Variants in MUSK observed in about 807,000 individuals in gnomAD.
MUSK encodes muscle, skeletal receptor tyrosine-protein kinase.
Under a neutral mutation model 88.7 loss-of-function variants are expected in MUSK, and 55 were observed. The ratio of observed to expected loss-of-function variants is 0.62; its 90% CI spans 0.50 to 0.78. The LOEUF (loss-of-function observed/expected upper bound fraction) is 0.78, where lower values mean the gene tolerates loss of function less well. Among genes scored for constraint, MUSK ranks in the 30% least tolerant of loss-of-function variants. The pLI is 0.00. For missense variants in MUSK, 1,015 were observed against 1,074.3 expected (o/e 0.94, Z 0.77); for synonymous variants, 387 against 391.9 (o/e 0.99, Z 0.15).
intron 1 of MUSK, among the ~76,000 whole-genome samples, chr9:110,675,880 G>A (rs1306708189): frequency 1.3e-5 from 2 of 152,040 alleles, no homozygotes; most frequent in Non-Finnish European, 2.9e-5. Context: ...TTTTTAAACA[G>A]TAAAAGCATT....
intron 7 of MUSK, chr9:110,761,762 G>A (rs916987904): frequency 2.1e-5 from 4 of 194,220 alleles, no homozygotes; most frequent in Non-Finnish European, 3.7e-5. Flanking sequence ...TTTTAGTAGA[G>A]ATGGGGTTTC....
Position 110,687,103 on chromosome 9 carries a change from T to C in MUSK, c.207-14T>C. On this transcript the variant is annotated splice_polypyrimidine_tract_variant and intron_variant, in intron 2 of 14. Transcript: ENST00000374448. ...AGGAAGCACTAATCTGTCATTTTTT[T>C]CTGTGACCTGCAGACTCTTTGACAC... 1.2e-6 allele frequency: 2 copies of C among 1,605,150 alleles called. No homozygotes were observed. The highest frequency in any genetic ancestry group is 1.3e-5 in the African/African-American group (1 of 74,778).
At chr9:110,732,166 G>T (rs577824210) in intron 5 of MUSK, among the ~76,000 whole-genome samples, 8 of 152,062 alleles carry the variant, frequency 5.3e-5, no homozygotes, top group South Asian at 4.1e-4. Flanking sequence ...AAATGTGCTA[G>T]ATTTTCCAAA....
intron 5 of MUSK, among the ~76,000 whole-genome samples, chr9:110,718,198 C>G (rs549274405): frequency 6.6e-6 from 1 of 152,124 alleles, no homozygotes; most frequent in Non-Finnish European, 1.5e-5. Context: ...AGTGTCCCCA[C>G]ACTATGGTGC....
chr9:110,728,914 T>G (rs1405703111), intron 5 of MUSK, among the ~76,000 whole-genome samples: 1 of 152,026 alleles, frequency 6.6e-6, no homozygotes, highest in African/African-American at 2.4e-5. Flanking sequence ...TACTGACCAT[T>G]TGCATTTCTT....
intron 11 of MUSK, among the ~76,000 whole-genome samples, chr9:110,784,225 C>G (rs1450495872): frequency 6.6e-6 from 1 of 152,062 alleles, no homozygotes; most frequent in African/African-American, 2.4e-5. Context: ...ATACAATGGA[C>G]TTTGTACTCT....
chr9:110,747,778 T>C lies in MUSK; in HGVS notation c.891T>C (p.Ala297=). ...GGGAGAAGTTCAGTACTGCCAAGGC[T>C]GCAGCCACCATCAGCATAGCAGGTA... ...KHGEKFSTAK[A]AATISIAEWS... is the part of the protein sequence containing the mutation. The change falls in exon 7 of 15, where the codon GCT becomes GCC. Residue 297 remains alanine (A), a synonymous_variant. Transcript: ENST00000374448. 1 of 1,613,868 alleles carries C rather than the reference T, an allele frequency of 6.2e-7. No homozygotes were observed. The highest frequency in any genetic ancestry group is 1.3e-5 in the African/African-American group (1 of 75,044).
chr9:110,669,990 A>G (rs1415793325), intron 1 of MUSK, among the ~76,000 whole-genome samples: 1 of 152,188 alleles, frequency 6.6e-6, no homozygotes, highest in Non-Finnish European at 1.5e-5. Context: ...CTGTATATAG[A>G]TGCAAAATGT....
At chr9:110,692,947 A>G (rs993900906) in intron 3 of MUSK, among the ~76,000 whole-genome samples, 1 of 152,014 alleles carries the variant, frequency 6.6e-6, no homozygotes, top group Non-Finnish European at 1.5e-5. Flanking sequence ...ATAAATATAC[A>G]TGGAGTGTTC....
chr9:110,732,480 TG>T (rs2076978258), intron 5 of MUSK, among the ~76,000 whole-genome samples: 1 of 152,088 alleles, frequency 6.6e-6, no homozygotes, highest in African/African-American at 2.4e-5. Context: ...ACATTGCATT[TG>T]GGTGATATGT....
chr9:110,679,616 T>C (rs1024264750), intron 1 of MUSK, among the ~76,000 whole-genome samples: 1 of 151,988 alleles, frequency 6.6e-6, no homozygotes, highest in Non-Finnish European at 1.5e-5. Context: ...TCTTGGCTTA[T>C]TTATTCCTCC....
chr9:110,784,271 C>A (rs73544126), intron 11 of MUSK, among the ~76,000 whole-genome samples: 5,607 of 152,182 alleles, frequency 0.037, 368 homozygotes, highest in African/African-American at 0.13. Context: ...CTTTTGGTTT[C>A]CAACAGTAAT....
chr9:110,697,813 A>G (rs779373955), intron 5 of MUSK, among the ~76,000 whole-genome samples: 1 of 152,150 alleles, frequency 6.6e-6, no homozygotes, highest in Non-Finnish European at 1.5e-5. Flanking sequence ...TGGGCATAAT[A>G]ATTTTAATCT....
intron 5 of MUSK, among the ~76,000 whole-genome samples, chr9:110,712,932 AG>A (rs1191606480): frequency 6.6e-6 from 1 of 152,344 alleles, no homozygotes; most frequent in Admixed American, 6.5e-5. Flanking sequence ...AAGTTTGTGT[AG>A]GGTTATATAC....
chr9:110,739,558 A>C (rs552148324), intron 6 of MUSK, among the ~76,000 whole-genome samples: 2 of 152,282 alleles, frequency 1.3e-5, no homozygotes, highest in Admixed American at 1.3e-4. Flanking sequence ...AGCATTGCCC[A>C]AAATCTCAGA....
rs796182693 is a variant in MUSK at position 110,723,412 on chromosome 9, C to A, written c.629-10839C>A. On this transcript the variant is annotated intron_variant, in intron 5 of 14. Coordinates refer to ENST00000374448, the MANE Select transcript of MUSK (RefSeq NM_005592.4). ...GTATGTTTTCATGCATAAGTGGGAG[C>A]TAAGATAATGAGGATGCAAAGGCAT... Among the ~76,000 whole-genome samples the A allele has an allele frequency of 2.0e-5, 3 of 151,814 alleles. No homozygotes were observed. The East Asian group carries it at 5.8e-4, about 29-fold the overall frequency.
At chr9:110,714,996 G>T (rs2076727242) in intron 5 of MUSK, among the ~76,000 whole-genome samples, 1 of 150,266 alleles carries the variant, frequency 6.7e-6, no homozygotes, top group East Asian at 1.9e-4. Context: ...AAATAATTCA[G>T]TTTATGAAAG....
Position 110,784,952 on chromosome 9 carries a change from G to T in MUSK, c.1522G>T (p.Val508Leu). ...CATCATGTCCAGCTTTGCAATATTT[G>T]TGCTTCTTACCATAACTACTCTCTA... ...ISIMSSFAIF[V>L]LLTITTLYCC... Residue 508 changes from valine (V) to leucine (L), a missense_variant, in exon 12 of 15, where the codon GTG becomes TTG. Val to Leu is a conservative substitution (Grantham distance 32). Coordinates refer to ENST00000374448, the MANE Select transcript of MUSK (RefSeq NM_005592.4). The T allele has an allele frequency of 2.5e-6, 4 of 1,613,724 alleles. No homozygotes were observed. Among genetic ancestry groups the T allele is most frequent in the Non-Finnish European group, 3.4e-6 (4 of 1,179,824 alleles).
intron 14 of MUSK, among the ~76,000 whole-genome samples, chr9:110,790,945 T>C (rs939410086): frequency 6.6e-6 from 1 of 152,124 alleles, no homozygotes; most frequent in Non-Finnish European, 1.5e-5. Flanking sequence ...CACAAGTAAG[T>C]TGAAGTCAAA....
Sources: gnomAD v4.1 joint callset for allele counts (sites outside exome capture counted in the v4.1 genomes callset) on GRCh38, gnomAD v4.1.1 for gene constraint, MANE v1.5 for transcripts, NCBI Gene and HGNC (gene_info 2026-07-23, HGNC 2026-07-21) for gene names.